The following DNAH6 variants were observed in gnomAD, a reference collection of about 807,000 sequenced individuals.
DNAH6 encodes dynein axonemal heavy chain 6.
In DNAH6, 340 loss-of-function variants were observed where a neutral mutation model predicts 491.4. That is an observed-to-expected ratio of 0.69 (90% confidence interval 0.63 to 0.76). The LOEUF is 0.76. Ranked by LOEUF, DNAH6 falls within the 30% of genes least tolerant of loss-of-function variation. The probability of loss-of-function intolerance (pLI) is 0.00; values close to 1 mark genes in which losing one functional copy is unlikely to be tolerated. For synonymous variants in DNAH6, 1,603 were observed against 1,686.1 expected, an observed-to-expected ratio of 0.95 and a Z score of 1.21; for missense variants, 4,443 against 4,972.2, an observed-to-expected ratio of 0.89 and a Z score of 3.20.
At chr2:84,495,518 C>A in the DNAH6 span, among the ~76,000 whole-genome samples, 2 of 152,162 alleles carry the variant, frequency 1.3e-5, no homozygotes, top group Non-Finnish European at 2.9e-5. Flanking sequence ...TCTGCAAAGA[C>A]CTTTAAGTCT....
At chr2:84,468,603 A>T in the DNAH6 span, among the ~76,000 whole-genome samples, 1 of 152,212 alleles carries the variant, frequency 6.6e-6, no homozygotes, top group Non-Finnish European at 1.5e-5. Flanking sequence ...GGAGGAGAAG[A>T]GAATAGACAA....
intron 54 of DNAH6, 74 bp downstream of exon 54, chr2:84,707,790 G>T: frequency 8.7e-7 from 1 of 1,152,124 alleles, no homozygotes; most frequent in South Asian, 1.5e-5. Flanking sequence ...TCATTTTTCT[G>T]AGTTCAGATG....
chr2:84,516,791 A>G (rs970114584), intron 1 of DNAH6, among the ~76,000 whole-genome samples: 8 of 152,210 alleles, frequency 5.3e-5, no homozygotes, highest in Admixed American at 5.2e-4. Flanking sequence ...TCTCACGCTG[A>G]GTGGTCAAAT....
At position 84,624,589 on chromosome 2, in the gene DNAH6, C is replaced by T; in HGVS notation, c.4322C>T (p.Ala1441Val). The change falls in exon 28 of 77, where the codon GCA (alanine) becomes GTA (valine). Residue 1441 changes from alanine to valine, a missense_variant. Physicochemically the swap from Ala to Val is moderately conservative, Grantham distance 64. Coordinates refer to ENST00000389394, the MANE Select transcript of DNAH6 (RefSeq NM_001370.2). Reference protein sequence around the residue: ...QYTYGYEYLGACPRLVITPLT... With the variant: ...QYTYGYEYLGVCPRLVITPLT... Reference sequence around the variant, plus strand: ...ACTTATGGCTATGAATATTTGGGTGCATGCCCAAGATTGGTTATTACTCCA... The same window carrying T: ...ACTTATGGCTATGAATATTTGGGTGTATGCCCAAGATTGGTTATTACTCCA... 1 of 1,551,496 alleles carries T rather than the reference C, an allele frequency of 6.4e-7. No homozygotes were observed. The highest frequency in any genetic ancestry group is 8.7e-7 in the Non-Finnish European group (1 of 1,146,892).
chr2:84,484,239 C>G, the DNAH6 span, among the ~76,000 whole-genome samples: 2 of 152,130 alleles, frequency 1.3e-5, no homozygotes, highest in Non-Finnish European at 2.9e-5. Context: ...ATCATCACAT[C>G]ATCCCTTAGG....
chr2:84,666,620 C>T (rs1397261747), intron 37 of DNAH6, among the ~76,000 whole-genome samples: 2 of 152,170 alleles, frequency 1.3e-5, no homozygotes, highest in Admixed American at 6.5e-5. Context: ...AATGGAAGAA[C>T]ATTCCATGCT....
chr2:84,756,189 G>A (rs1267561030), intron 63 of DNAH6, among the ~76,000 whole-genome samples: 1 of 152,182 alleles, frequency 6.6e-6, no homozygotes, highest in Non-Finnish European at 1.5e-5. Context: ...AGTATGTGGA[G>A]TGTTTCTCTC....
At chr2:84,530,454 A>C (rs1446638353) in intron 4 of DNAH6, among the ~76,000 whole-genome samples, 1 of 152,162 alleles carries the variant, frequency 6.6e-6, no homozygotes, top group Non-Finnish European at 1.5e-5. Context: ...GGCATGCTCA[A>C]AGGGCAAAGA....
chr2:84,729,206 C>G (rs1181929214), intron 61 of DNAH6, among the ~76,000 whole-genome samples: 2 of 152,156 alleles, frequency 1.3e-5, no homozygotes, highest in African/African-American at 4.8e-5. Flanking sequence ...TTATATATAT[C>G]AACTCCCTTA....
intron 11 of DNAH6, among the ~76,000 whole-genome samples, chr2:84,560,587 C>G (rs1488974922): frequency 6.6e-6 from 1 of 151,380 alleles, no homozygotes; most frequent in Admixed American, 6.6e-5. Context: ...TTAGGTATAT[C>G]TCCTAATGCT....
intron 41 of DNAH6, among the ~76,000 whole-genome samples, chr2:84,680,459 TG>T (rs113969562): frequency 0.037 from 5,560 of 151,862 alleles, 364 homozygotes; most frequent in African/African-American, 0.13. Context: ...TTAGACTGAG[TG>T]GTCAGGAAAG....
intron 64 of DNAH6, among the ~76,000 whole-genome samples, chr2:84,773,490 TATCTTTGCTATTGTGA>T (rs1002093342): frequency 1.2e-4 from 19 of 152,096 alleles, no homozygotes; most frequent in African/African-American, 3.9e-4. Flanking sequence ...GTTGACTGAA[TATCTTTGCTATTGTGA>T]ATCTTTGCTA....
chr2:84,587,967 A>G (rs539681438), intron 15 of DNAH6, among the ~76,000 whole-genome samples: 1 of 152,318 alleles, frequency 6.6e-6, no homozygotes, highest in Non-Finnish European at 1.5e-5. Flanking sequence ...GCTGCAATCC[A>G]TAATTTCTTC....
chr2:84,697,544 A>G (rs1390968038), intron 46 of DNAH6, 31 bp from the exon 47 acceptor site: 1 of 1,508,504 alleles, frequency 6.6e-7, no homozygotes, highest in African/African-American at 1.4e-5. Flanking sequence ...ATGATTGAGC[A>G]AGTTGTAATG....
intron 65 of DNAH6, 124 bp from the exon 66 acceptor site, chr2:84,784,598 A>G (rs1311252702): frequency 6.2e-6 from 4 of 642,044 alleles, no homozygotes; most frequent in South Asian, 1.9e-5. Context: ...TAATAGATTA[A>G]CTAGATCTTT....
intron 19 of DNAH6, 68 bp downstream of exon 19, chr2:84,604,619 G>T: frequency 3.2e-6 from 4 of 1,234,594 alleles, no homozygotes; most frequent in Admixed American, 2.3e-5. Context: ...TTCAACATTT[G>T]GTGATCTGGA....
intron 30 of DNAH6, among the ~76,000 whole-genome samples, chr2:84,636,162 C>T (rs1042093303): frequency 6.6e-6 from 1 of 152,184 alleles, no homozygotes; most frequent in African/African-American, 2.4e-5. Context: ...CACTCTGCTT[C>T]CCCCCAAACA....
At chr2:84,565,750 A>G (rs927560596) in intron 11 of DNAH6, among the ~76,000 whole-genome samples, 15 of 151,934 alleles carry the variant, frequency 9.9e-5, no homozygotes, top group African/African-American at 3.6e-4. Context: ...TATTTTTTTA[A>G]TAAATCTTTT....
At position 84,620,532 on chromosome 2, in the gene DNAH6, A is replaced by G. The variant is rs147789400; in HGVS notation, c.3792+628A>G. The stretch of plus-strand genomic sequence containing the variant: ...AGTCAAGTATGATGGAAGGGAGAGT[A>G]TCTTCTATGTGGGCATGGGAGACGT... On this transcript the variant is annotated intron_variant, in intron 24 of 76. Coordinates refer to ENST00000389394, the MANE Select transcript of DNAH6 (RefSeq NM_001370.2). 2.4e-3 allele frequency among the ~76,000 whole-genome samples: 369 copies of G among 152,258 alleles called. 2 individuals carry two copies. The highest frequency in any genetic ancestry group is 8.6e-3 in the African/African-American group (356 of 41,552).
Sources: allele counts gnomAD v4.1 joint callset (sites outside exome capture counted in the v4.1 genomes callset), GRCh38; gene constraint gnomAD v4.1.1; transcripts MANE v1.5; gene names NCBI Gene and HGNC (gene_info 2026-07-23, HGNC 2026-07-21).